The following ELMO1 variants were observed in gnomAD, a reference collection of about 807,000 sequenced individuals.
The protein encoded by ELMO1 is engulfment and cell motility protein 1.
ELMO1 carries 26 observed loss-of-function variants against 98.9 expected under a neutral mutation model. That is an observed-to-expected ratio of 0.26 (90% CI 0.19 to 0.36). The LOEUF (loss-of-function observed/expected upper bound fraction) is 0.36, where lower values mean the gene tolerates loss of function less well. Ranked by LOEUF, ELMO1 falls within the 10% of genes least tolerant of loss-of-function variation. The probability of loss-of-function intolerance (pLI) is 1.00; values close to 1 mark genes in which losing one functional copy is unlikely to be tolerated. For synonymous variants in ELMO1, 346 were observed against 346.0 expected (o/e 1.00, Z 0.00); for missense variants, 627 against 935.2 (o/e 0.67, Z 4.30).
At chr7:36,946,900 C>A (rs942118909) in intron 16 of ELMO1, among the ~76,000 whole-genome samples, 1 of 152,184 alleles carries the variant, frequency 6.6e-6, no homozygotes, top group Admixed American at 6.5e-5. Context: ...CCTCTATAGG[C>A]TCTTCAGCAA....
At chr7:37,395,649 A>G (rs1199325129) in intron 1 of ELMO1, among the ~76,000 whole-genome samples, 1 of 151,774 alleles carries the variant, frequency 6.6e-6, no homozygotes, top group Admixed American at 6.6e-5. Context: ...TGGAAGATGA[A>G]AACCCAGGGT....
chr7:37,381,327 C>T (rs1273569180), intron 1 of ELMO1, among the ~76,000 whole-genome samples: 1 of 152,178 alleles, frequency 6.6e-6, no homozygotes, highest in East Asian at 1.9e-4. Context: ...TCTCAGAGTA[C>T]CATTTCTCTA....
chr7:37,100,632 C>T (rs1293084929), intron 14 of ELMO1, among the ~76,000 whole-genome samples: 2 of 152,238 alleles, frequency 1.3e-5, no homozygotes, highest in Non-Finnish European at 2.9e-5. Context: ...CTGCAGCCAG[C>T]CCTTGAGGGC....
chr7:37,328,578 G>T (rs1554296563), intron 2 of ELMO1, among the ~76,000 whole-genome samples: 1 of 152,004 alleles, frequency 6.6e-6, no homozygotes, highest in Non-Finnish European at 1.5e-5. Flanking sequence ...CCTGTGGAGT[G>T]GGTTCTGGAG....
chr7:37,346,381 A>G (rs534979385), intron 1 of ELMO1, among the ~76,000 whole-genome samples: 41 of 152,346 alleles, frequency 2.7e-4, no homozygotes, highest in African/African-American at 9.4e-4. Flanking sequence ...TCCTCAAGAA[A>G]TAATTATTAA....
intron 4 of ELMO1, among the ~76,000 whole-genome samples, chr7:37,304,549 C>A (rs1411817757): frequency 1.3e-5 from 2 of 152,094 alleles, no homozygotes; most frequent in Non-Finnish European, 2.9e-5. Flanking sequence ...AACTCTGTCT[C>A]TACTAAAAAT....
At chr7:36,967,388 C>A (rs1238926177) in intron 16 of ELMO1, among the ~76,000 whole-genome samples, 2 of 152,150 alleles carry the variant, frequency 1.3e-5, no homozygotes, top group African/African-American at 4.8e-5. Flanking sequence ...GGCCACACTC[C>A]TGAGGTAGGG....
At chr7:36,917,201 T>C (rs1312010526) in intron 16 of ELMO1, among the ~76,000 whole-genome samples, 1 of 152,210 alleles carries the variant, frequency 6.6e-6, no homozygotes, top group Non-Finnish European at 1.5e-5. Context: ...TAGTGTGACC[T>C]TGGGCAGTAG....
chr7:37,060,938 A>G (rs1796638047), intron 15 of ELMO1, among the ~76,000 whole-genome samples: 1 of 152,176 alleles, frequency 6.6e-6, no homozygotes, highest in South Asian at 2.1e-4. Flanking sequence ...AGGCTCCTAC[A>G]CTAAGATTCC....
chr7:37,377,547 A>G (rs114619628), intron 1 of ELMO1, among the ~76,000 whole-genome samples: 37 of 152,302 alleles, frequency 2.4e-4, no homozygotes, highest in African/African-American at 8.7e-4. Flanking sequence ...AGAGCAGGTC[A>G]CTGGGGAGAA....
chr7:37,097,412 C>G (rs758571520), intron 14 of ELMO1, among the ~76,000 whole-genome samples: 1 of 152,100 alleles, frequency 6.6e-6, no homozygotes, highest in South Asian at 2.1e-4. Flanking sequence ...TTACTACTCT[C>G]TCTACTAAAA....
intron 4 of ELMO1, among the ~76,000 whole-genome samples, chr7:37,286,431 G>A (rs2130927490): frequency 6.6e-6 from 1 of 152,302 alleles, no homozygotes; most frequent in Middle Eastern, 3.4e-3. Context: ...GTGAATACAG[G>A]GTAAATGAAT....
At chr7:37,399,168 A>T (rs913883536) in intron 1 of ELMO1, among the ~76,000 whole-genome samples, 4 of 152,160 alleles carry the variant, frequency 2.6e-5, no homozygotes, top group Non-Finnish European at 4.4e-5. Context: ...CTGTGATGTC[A>T]TAGCCTGCCC....
chr7:37,423,863 G>C (rs766073169), intron 1 of ELMO1, among the ~76,000 whole-genome samples: 2 of 152,164 alleles, frequency 1.3e-5, no homozygotes, highest in African/African-American at 2.4e-5. Context: ...CCCTCTACCA[G>C]AGAAGTCGCA....
chr7:36,906,347 A>T (rs909412574), intron 16 of ELMO1, among the ~76,000 whole-genome samples: 1 of 152,246 alleles, frequency 6.6e-6, no homozygotes, highest in African/African-American at 2.4e-5. Flanking sequence ...GTCATATTTT[A>T]AGTGGCCCAT....
chr7:37,222,233 C>CT (rs1249647788), intron 10 of ELMO1, among the ~76,000 whole-genome samples: 3 of 152,238 alleles, frequency 2.0e-5, no homozygotes, highest in African/African-American at 7.2e-5. Context: ...GAGAACAGCA[C>CT]TTCCCTCAAC....
chr7:37,111,062 A>C (rs529398188), intron 14 of ELMO1, among the ~76,000 whole-genome samples: 5 of 152,308 alleles, frequency 3.3e-5, no homozygotes, highest in Admixed American at 2.0e-4. Context: ...CCCCAGGACC[A>C]TGTGGGCCTC....
intron 13 of ELMO1, among the ~76,000 whole-genome samples, chr7:37,156,015 G>C (rs953288090): frequency 2.0e-5 from 3 of 152,178 alleles, no homozygotes; most frequent in African/African-American, 7.2e-5. Flanking sequence ...TCAGGATTAA[G>C]AACCTCACTC....
intron 13 of ELMO1, among the ~76,000 whole-genome samples, chr7:37,195,022 C>T (rs1282378313): frequency 2.6e-5 from 4 of 152,180 alleles, no homozygotes; most frequent in Admixed American, 2.0e-4. Context: ...TAGACAAGGA[C>T]CTATCCCTCT....
Sources: allele counts gnomAD v4.1 joint callset (sites outside exome capture counted in the v4.1 genomes callset), GRCh38; gene constraint gnomAD v4.1.1; transcripts MANE v1.5; gene names NCBI Gene and HGNC (gene_info 2026-07-23, HGNC 2026-07-21).